The following SMARCA2 variants were observed in gnomAD, a reference collection of about 807,000 sequenced individuals.
SMARCA2 encodes the protein SWI/SNF-related matrix-associated actin-dependent regulator of chromatin subfamily A member 2.
Under a neutral mutation model 199.8 loss-of-function variants are expected in SMARCA2, and 61 were observed. The observed-to-expected ratio is 0.31, with a 90% CI of 0.25 to 0.38. SMARCA2 has a LOEUF of 0.38. Ranked by LOEUF, SMARCA2 falls within the 10% of genes least tolerant of loss-of-function variation. The probability of loss-of-function intolerance (pLI) is 1.00; values close to 1 mark genes in which losing one functional copy is unlikely to be tolerated. For synonymous variants in SMARCA2, 935 were observed against 732.0 expected, an observed-to-expected ratio of 1.28 and a Z score of -4.48; for missense variants, 1,344 against 2,012.2, an observed-to-expected ratio of 0.67 and a Z score of 6.35.
At chr9:2,131,413 C>T (rs1447672496) in intron 27 of SMARCA2, among the ~76,000 whole-genome samples, 1 of 152,054 alleles carries the variant, frequency 6.6e-6, no homozygotes, top group Non-Finnish European at 1.5e-5. Flanking sequence ...GCAGTTGGGC[C>T]CCAGTAAACG....
intron 5 of SMARCA2, 49 bp from the exon 6 acceptor site, chr9:2,054,548 A>G: frequency 1.3e-6 from 2 of 1,587,026 alleles, no homozygotes; most frequent in Non-Finnish European, 1.7e-6. Flanking sequence ...ATTAAATTGT[A>G]ATGTGTTTTT....
At chr9:2,103,659 T>TGAGAGA (rs1172250952) in intron 22 of SMARCA2, among the ~76,000 whole-genome samples, 1 of 143,690 alleles carries the variant, frequency 7.0e-6, no homozygotes, top group Admixed American at 6.7e-5. Flanking sequence ...TGTGTGTGTG[T>TGAGAGA]GTGAGAGAGA....
rs369910745 is a variant in SMARCA2, at chr9:2,149,607, C to T, written c.3982-12079C>T. Among the ~76,000 whole-genome samples, 27 of 151,560 alleles carry T rather than the reference C, an allele frequency of 1.8e-4. No homozygotes were observed. In the South Asian group the frequency reaches 4.6e-3, roughly 26 times the overall value. On this transcript the variant is annotated intron_variant, in intron 27 of 33. Coordinates refer to ENST00000349721, the MANE Select transcript of SMARCA2 (RefSeq NM_003070.5). The stretch of plus-strand genomic sequence containing the variant: ...ACCATGAGAACAGTGTGAGGGAAAC[C>T]GCTCCCATGATTCAAATTATCTCCC...
intron 29 of SMARCA2, among the ~76,000 whole-genome samples, chr9:2,175,089 T>A (rs1826484877): frequency 6.6e-6 from 1 of 151,980 alleles, no homozygotes; most frequent in African/African-American, 2.4e-5. Context: ...TGGGAAAAAC[T>A]GTAGAAATGG....
chr9:2,036,219 T>C (rs1249343690), intron 3 of SMARCA2, among the ~76,000 whole-genome samples: 2 of 151,964 alleles, frequency 1.3e-5, no homozygotes, highest in Non-Finnish European at 2.9e-5. Context: ...TGTGTGCGTG[T>C]AGAGAAAATT....
At chr9:2,181,980 G>C (rs1207362975) in intron 30 of SMARCA2, among the ~76,000 whole-genome samples, 161 bp from the exon 31 acceptor site, 4 of 152,184 alleles carry the variant, frequency 2.6e-5, no homozygotes, top group Non-Finnish European at 2.9e-5. Flanking sequence ...TGGGAGGGTG[G>C]ACTTGGTGAA....
At chr9:2,077,924 A>G (rs1350304455) in intron 14 of SMARCA2, 148 bp downstream of exon 14, 4 of 694,816 alleles carry the variant, frequency 5.8e-6, no homozygotes, top group Non-Finnish European at 9.7e-6. Context: ...CATTGTGCCT[A>G]TGATTCTTCT....
Position 2,186,072 on chromosome 9 carries a change from A to G in SMARCA2, c.4462-24A>G, listed in dbSNP as rs369042089. The stretch of plus-strand genomic sequence containing the variant: ...CATGGTAACTCAGCTTGCAGTTTTA[A>G]CAGATGCCCCTTTGACCATTTAGAT... On this transcript the variant is annotated intron_variant, in intron 31 of 33. Coordinates refer to ENST00000349721, the MANE Select transcript of SMARCA2 (RefSeq NM_003070.5). The G allele has an allele frequency of 8.7e-6, 14 of 1,610,384 alleles. No homozygotes were observed. In the African/African-American group the frequency reaches 1.2e-4, roughly 14 times the overall value.
chr9:2,122,815 C>A (rs945145841), intron 26 of SMARCA2, among the ~76,000 whole-genome samples: 1 of 152,110 alleles, frequency 6.6e-6, no homozygotes, highest in Non-Finnish European at 1.5e-5. Flanking sequence ...TGACACATCT[C>A]GCTAGTGTTT....
At chr9:2,075,104 C>T (rs1055402577) in intron 12 of SMARCA2, 1 of 152,310 alleles carries the variant, frequency 6.6e-6, no homozygotes, top group Non-Finnish European at 1.5e-5. Context: ...CAGCCCTTGT[C>T]CCTGGGCCCA....
chr9:2,127,066 A>T (rs2130637700), intron 27 of SMARCA2, among the ~76,000 whole-genome samples: 1 of 152,236 alleles, frequency 6.6e-6, no homozygotes, highest in African/African-American at 2.4e-5. Flanking sequence ...CTTTCTCTTG[A>T]ACTTTCCTCC....
At position 2,101,910 on chromosome 9, in the gene SMARCA2, CA is replaced by C. The variant is rs1174000817; in HGVS notation, c.3125+298del. Among the ~76,000 whole-genome samples, 6 of 152,122 alleles carry C rather than the reference CA, an allele frequency of 3.9e-5. No individual in the cohort carries two copies. In the South Asian group the frequency reaches 1.2e-3, roughly 32 times the overall value. Reference sequence around the variant, plus strand: ...GCTTCAAAGGTTTGTTATTTATAACCAAAAGTATAGCTTGGGCTTGAAGAGA... The same window carrying C: ...GCTTCAAAGGTTTGTTATTTATAACCAAAGTATAGCTTGGGCTTGAAGAGA... On this transcript the variant is annotated intron_variant, in intron 22 of 33. Coordinates refer to ENST00000349721, the MANE Select transcript of SMARCA2 (RefSeq NM_003070.5).
At chr9:2,172,375 G>A (rs10965087) in intron 29 of SMARCA2, among the ~76,000 whole-genome samples, 1,551 of 151,870 alleles carry the variant, frequency 0.01, 11 homozygotes, top group Non-Finnish European at 0.015. Context: ...AGTGGAGAGC[G>A]CTTCTAACTG....
intron 1 of SMARCA2, among the ~76,000 whole-genome samples, chr9:2,019,471 A>G (rs960249844): frequency 6.7e-6 from 1 of 149,452 alleles, no homozygotes; most frequent in African/African-American, 2.5e-5. Context: ...AAGTGCTTTG[A>G]CCAACACCTG....
At chr9:2,186,333 T>A in intron 32 of SMARCA2, 105 bp downstream of exon 32, 2 of 1,213,712 alleles carry the variant, frequency 1.6e-6, no homozygotes, top group Non-Finnish European at 2.3e-6. Context: ...CAGATCTGGA[T>A]TGGAGCCCTT....
At chr9:2,182,478 CTTT>C (rs145095906) in intron 31 of SMARCA2, among the ~76,000 whole-genome samples, 1,988 of 96,570 alleles carry the variant, frequency 0.021, 31 homozygotes, top group African/African-American at 0.044. Context: ...AGCTTATAGT[CTTT>C]TTTTTTTTTT....
Position 2,104,147 on chromosome 9 carries a change from C to T in SMARCA2, c.3270C>T (p.Asn1090=). 6.2e-7 allele frequency: 1 copy of T among 1,613,996 alleles called. No homozygotes were observed. Among genetic ancestry groups the T allele is most frequent in the Non-Finnish European group, 8.5e-7 (1 of 1,179,942 alleles). Residue 1090 remains asparagine (N), a synonymous_variant, in exon 23 of 34, where the codon AAC becomes AAT. Coordinates refer to ENST00000349721, the MANE Select transcript of SMARCA2 (RefSeq NM_003070.5). The surrounding 1 kb of genome is among the most constrained non-coding windows in gnomAD (Gnocchi z 4.0). ...TIMEDYFAFR[N]FLYLRLDGTT... ...TGGAGGATTATTTTGCTTTTCGGAA[C>T]TTCCTTTACCTACGCCTTGATGGTA...
chr9:2,182,334 C>A, intron 31 of SMARCA2, 92 bp downstream of exon 31: 2 of 770,738 alleles, frequency 2.6e-6, no homozygotes, highest in South Asian at 1.6e-5. Flanking sequence ...CCTCTTGAAT[C>A]ATTGCTACTG....
chr9:2,132,049 T>C (rs1054245231), intron 27 of SMARCA2, among the ~76,000 whole-genome samples: 1 of 151,904 alleles, frequency 6.6e-6, no homozygotes, highest in Non-Finnish European at 1.5e-5. Flanking sequence ...AGCTATGTAA[T>C]ACCAAGCTGC....
Sources: gnomAD v4.1 joint callset for allele counts (sites outside exome capture counted in the v4.1 genomes callset) on GRCh38, gnomAD v4.1.1 for gene constraint, Gnocchi (gnomAD v3.1) non-coding constraint, MANE v1.5 for transcripts, NCBI Gene and HGNC (gene_info 2026-07-23, HGNC 2026-07-21) for gene names.